Variants in SYNE3 observed in about 807,000 individuals in gnomAD.
The protein encoded by SYNE3 is spectrin repeat containing nuclear envelope family member 3.
SYNE3 carries 100 observed loss-of-function variants against 111.2 expected under a neutral mutation model. The ratio of observed to expected loss-of-function variants is 0.90; its 90% CI spans 0.77 to 1.06. SYNE3 has a LOEUF of 1.06. Ranked by LOEUF, SYNE3 falls within the 50% of genes least tolerant of loss-of-function variation. The pLI is 0.00. For synonymous variants in SYNE3, 547 were observed against 533.9 expected (o/e 1.02, Z -0.34); for missense variants, 1,160 against 1,240.3 (o/e 0.94, Z 0.97).
rs549143002 is a variant in SYNE3 at position 95,504,192 on chromosome 14, AT to A, written c.-15+12403del. Among the ~76,000 whole-genome samples the A allele has an allele frequency of 1.2e-3, 183 of 152,336 alleles. 1 individual carries two copies. The highest frequency in any genetic ancestry group is 3.2e-3 in the African/African-American group (132 of 41,574). Reference sequence around the variant, plus strand: ...TTTTATTGGAACACAACCAACACCCATTCATTTACATAGCATCTGTGGCTGC... The same window carrying A: ...TTTTATTGGAACACAACCAACACCCATCATTTACATAGCATCTGTGGCTGC... On this transcript the variant is annotated intron_variant, in intron 1 of 17. Transcript: ENST00000682763.
chr14:95,455,483 A>G lies in SYNE3; in HGVS notation c.1031T>C (p.Leu344Pro). Reference protein sequence around the residue: ...EQQIKQLEAELSEFRMVLQRL... With the variant: ...EQQIKQLEAEPSEFRMVLQRL... Reference sequence around the variant, plus strand: ...CTGCAGGACCATCCTGAACTCACTGAGCTCAGCCTCCAGCTGCTTAATCTG... The same window carrying G: ...CTGCAGGACCATCCTGAACTCACTGGGCTCAGCCTCCAGCTGCTTAATCTG... Residue 344 changes from leucine to proline, a missense_variant, in exon 6 of 18, where the codon CTC becomes CCC. Leu to Pro is a moderately conservative substitution (Grantham distance 98, BLOSUM62 -3). Transcript: ENST00000682763. 1 of 1,613,600 alleles carries G rather than the reference A, an allele frequency of 6.2e-7. No homozygotes were observed. Among genetic ancestry groups the G allele is most frequent in the Non-Finnish European group, 8.5e-7 (1 of 1,180,000 alleles).
chr14:95,413,457 A>T lies in SYNE3; in HGVS notation c.*4369T>A, dbSNP rs773172086. Reference sequence around the variant, plus strand: ...AGGCCTGGCTCCAGTCTAATGGAAGAGATAAGATCCCCTCTTTACTCCCTA... The same window carrying T: ...AGGCCTGGCTCCAGTCTAATGGAAGTGATAAGATCCCCTCTTTACTCCCTA... On this transcript the variant is annotated 3_prime_UTR_variant, in exon 18 of 18. Transcript: ENST00000682763. The T allele has an allele frequency of 4.6e-5, 7 of 152,218 alleles. No homozygotes were observed. Among genetic ancestry groups the T allele is most frequent in the Non-Finnish European group, 8.8e-5 (6 of 68,102 alleles). The allele number at this position is 152,218 out of a possible 1,614,324, so 9.4% of individuals were successfully genotyped here. A position where few individuals can be genotyped will look rare whatever the true frequency, so the allele number is the denominator to read the frequency against.
At chr14:95,480,929 CG>C (rs1360454441) in intron 1 of SYNE3, among the ~76,000 whole-genome samples, 2 of 152,188 alleles carry the variant, frequency 1.3e-5, no homozygotes, top group African/African-American at 4.8e-5. Flanking sequence ...AGGGGAGTAG[CG>C]GGGCTGCCTC....
At chr14:95,463,984 G>A (rs1014912889) in intron 4 of SYNE3, among the ~76,000 whole-genome samples, 4 of 152,218 alleles carry the variant, frequency 2.6e-5, no homozygotes, top group African/African-American at 9.6e-5. Context: ...CAGGTCAGGT[G>A]AGCTGCCCTG....
chr14:95,499,967 CT>C (rs1890271749), intron 1 of SYNE3, among the ~76,000 whole-genome samples: 1 of 147,482 alleles, frequency 6.8e-6, no homozygotes, highest in African/African-American at 2.5e-5. Flanking sequence ...TCAAGCAATT[CT>C]CCTGCCTCAG....
rs1566954915 is a variant in SYNE3, at chr14:95,423,538, G to GGGGTTTTGATGGGCATA, written c.2728-5513_2728-5512insTATGCCCATCAAAACCC. ...ATGGGGATGGGGATTTGATGGGGAT[G>GGGGTTTTGATGGGCATA]GGGATTTGATGGGCATGGGGATTTG... is the stretch of plus-strand genomic sequence containing the variant. On this transcript the variant is annotated intron_variant, in intron 17 of 17. Transcript: ENST00000682763. Among the ~76,000 whole-genome samples, 2 of 88,014 alleles carry GGGGTTTTGATGGGCATA rather than the reference G, an allele frequency of 2.3e-5. 1 individual carries two copies. The highest frequency in any genetic ancestry group is 2.4e-4 in the Admixed American group (2 of 8,426). The allele number at this position is 88,014 out of a possible 152,430, so 57.7% of individuals were successfully genotyped here. A position where few individuals can be genotyped will look rare whatever the true frequency, so the allele number is the denominator to read the frequency against.
In SYNE3 at chr14:95,417,580, C is replaced by A; in HGVS notation, c.*246G>T. The A allele has an allele frequency of 1.8e-6, 1 of 562,522 alleles. No homozygotes were observed. The highest frequency in any genetic ancestry group is 3.0e-5 in the East Asian group (1 of 33,304). 34.8% of individuals were successfully genotyped at this position (562,522 alleles called of 1,614,324 possible). On this transcript the variant is annotated 3_prime_UTR_variant, in exon 18 of 18. Transcript: ENST00000682763. ...ATTATACATACTGAGCATTTACATACAGATCATATAAAAATTCTAGACATT... is the reference window on the plus strand; with the variant it reads ...ATTATACATACTGAGCATTTACATAAAGATCATATAAAAATTCTAGACATT...
rs1029715651 is a variant in SYNE3 at position 95,410,277 on chromosome 14, C to A, written c.*7549G>T. 5.3e-5 allele frequency: 8 copies of A among 152,276 alleles called. No individual in the cohort carries two copies. Among genetic ancestry groups the A allele is most frequent in the African/African-American group, 1.9e-4 (8 of 41,460 alleles). 9.4% of individuals were successfully genotyped at this position (152,276 alleles called of 1,614,324 possible). A position where few individuals can be genotyped will look rare whatever the true frequency, so the allele number is the denominator to read the frequency against. On this transcript the variant is annotated 3_prime_UTR_variant, in exon 18 of 18. Coordinates refer to ENST00000682763, the MANE Select transcript of SYNE3 (RefSeq NM_152592.6). ...CCACACAAGGAGCATACAGCCAAGG[C>A]ATGGAGGGTCAGGACAAACTCTGGT...
chr14:95,430,216 C>T (rs1403872292), intron 17 of SYNE3, among the ~76,000 whole-genome samples: 3 of 152,150 alleles, frequency 2.0e-5, no homozygotes, highest in Non-Finnish European at 4.4e-5. Flanking sequence ...TTGACACCCA[C>T]ATGGATCCTG....
chr14:95,496,966 G>C (rs569566839), intron 1 of SYNE3, among the ~76,000 whole-genome samples: 1 of 152,362 alleles, frequency 6.6e-6, no homozygotes, highest in East Asian at 1.9e-4. Flanking sequence ...CTCTGCACTT[G>C]CTCTTTAGCA....
intron 8 of SYNE3, 134 bp downstream of exon 8, chr14:95,449,797 A>G (rs912155626): frequency 2.1e-6 from 3 of 1,419,242 alleles, no homozygotes; most frequent in African/African-American, 2.9e-5. Context: ...AGGACTCAGC[A>G]GACCGGGCGC....
At chr14:95,455,941 A>G in intron 5 of SYNE3, 1 of 519,574 alleles carries the variant, frequency 1.9e-6, no homozygotes, top group Non-Finnish European at 3.4e-6. Flanking sequence ...GTCTTTTTCA[A>G]GCCATTTGAT....
intron 15 of SYNE3, among the ~76,000 whole-genome samples, chr14:95,434,934 G>A (rs958572054): frequency 7.2e-5 from 11 of 152,208 alleles, no homozygotes; most frequent in Admixed American, 2.0e-4. Context: ...GATTACAGGC[G>A]TGAGCCACCG....
intron 11 of SYNE3, among the ~76,000 whole-genome samples, 160 bp from the exon 12 acceptor site, chr14:95,440,235 A>G (rs1380268311): frequency 1.3e-5 from 2 of 152,200 alleles, no homozygotes; most frequent in Non-Finnish European, 2.9e-5. Context: ...CCCTCCACAC[A>G]GCACAAGGAA....
chr14:95,453,743 G>A (rs934091691), intron 6 of SYNE3, among the ~76,000 whole-genome samples: 7 of 152,230 alleles, frequency 4.6e-5, no homozygotes, highest in African/African-American at 1.7e-4. Context: ...ACTGGGGGCT[G>A]TCCCTGGAGA....
rs191604140 is a variant in SYNE3 at position 95,502,973 on chromosome 14, A to C, written c.-15+13623T>G. Among the ~76,000 whole-genome samples the C allele has an allele frequency of 2.1e-3, 322 of 152,362 alleles. 3 individuals carry two copies. Among genetic ancestry groups the C allele is most frequent in the African/African-American group, 7.2e-3 (299 of 41,598 alleles). ...CCAAGCTGCTGGAGGTCGGACTCCC[A>C]GCTTGGAGGCCCCCCAAACAATGCT... On this transcript the variant is annotated intron_variant, in intron 1 of 17. Transcript: ENST00000682763.
At chr14:95,434,973 C>T (rs1028323323) in intron 15 of SYNE3, among the ~76,000 whole-genome samples, 1 of 152,192 alleles carries the variant, frequency 6.6e-6, no homozygotes, top group African/African-American at 2.4e-5. Context: ...TCTTAAATCC[C>T]TCTTATACAT....
intron 1 of SYNE3, among the ~76,000 whole-genome samples, chr14:95,501,750 G>A (rs994360785): frequency 7.9e-5 from 12 of 152,328 alleles, no homozygotes; most frequent in Non-Finnish European, 1.0e-4. Flanking sequence ...GATGTGCAGC[G>A]CAGCAAAGCA....
rs1009967981 is a variant in SYNE3, at chr14:95,501,249, T to C, written c.-15+15347A>G. Among the ~76,000 whole-genome samples the C allele has an allele frequency of 5.3e-5, 8 of 152,340 alleles. 1 individual carries two copies. The South Asian group carries it at 8.3e-4, about 16-fold the overall frequency. ...GCACACGCAACCTTCTGATATGTTC[T>C]TGTTTATTTATTTGCTTGCTTGTTG... On this transcript the variant is annotated intron_variant, in intron 1 of 17. Transcript: ENST00000682763.
Sources: gnomAD v4.1 joint callset for allele counts (sites outside exome capture counted in the v4.1 genomes callset) on GRCh38, gnomAD v4.1.1 for gene constraint, MANE v1.5 for transcripts, NCBI Gene and HGNC (gene_info 2026-07-23, HGNC 2026-07-21) for gene names.